Variants in RELCH observed in about 807,000 individuals in gnomAD.
RELCH encodes RAB11-binding protein RELCH.
A neutral mutation model predicts 150.3 loss-of-function variants in RELCH; 41 were observed. The observed-to-expected ratio is 0.27, with a 90% CI of 0.21 to 0.35. RELCH has a LOEUF of 0.35. Ranked by LOEUF, RELCH falls within the 10% of genes least tolerant of loss-of-function variation. The probability of loss-of-function intolerance (pLI) is 1.00; values close to 1 mark genes in which losing one functional copy is unlikely to be tolerated. For missense variants in RELCH, 1,092 were observed against 1,467.8 expected (o/e 0.74, Z 4.18); for synonymous variants, 478 against 531.8 (o/e 0.90, Z 1.39).
At chr18:62,244,918 T>A in intron 11 of RELCH, 42 bp downstream of exon 11, 1 of 1,295,472 alleles carries the variant, frequency 7.7e-7, no homozygotes, top group South Asian at 1.2e-5. Context: ...ACAATGTGAC[T>A]TACTGATTTT....
intron 1 of RELCH, among the ~76,000 whole-genome samples, chr18:62,189,394 T>C (rs2038452177): frequency 6.6e-6 from 1 of 152,026 alleles, no homozygotes; most frequent in African/African-American, 2.4e-5. Flanking sequence ...GCTTAGGTAG[T>C]TGCTTGGTTT....
chr18:62,251,291 G>A (rs547583641), intron 11 of RELCH, among the ~76,000 whole-genome samples: 1 of 152,198 alleles, frequency 6.6e-6, no homozygotes, highest in African/African-American at 2.4e-5. Context: ...CTGGAGAAGG[G>A]ATTTAGCTGG....
At chr18:62,289,672 A>G (rs1166308330) in intron 26 of RELCH, among the ~76,000 whole-genome samples, 1 of 152,226 alleles carries the variant, frequency 6.6e-6, no homozygotes, top group Non-Finnish European at 1.5e-5. Context: ...GATCTCCCTT[A>G]ATAAACTAAG....
intron 11 of RELCH, 21 bp from the exon 12 acceptor site, chr18:62,252,643 G>GT (rs768031080): frequency 2.5e-6 from 4 of 1,605,192 alleles, no homozygotes; most frequent in African/African-American, 1.3e-5. Context: ...AATACAAGCC[G>GT]TTTTTTATAT....
Position 62,187,947 on chromosome 18 carries a change from G to T in RELCH, c.442G>T (p.Gly148Trp). 1.9e-6 allele frequency: 3 copies of T among 1,598,424 alleles called. No individual in the cohort carries two copies. The highest frequency in any genetic ancestry group is 2.6e-6 in the Non-Finnish European group (3 of 1,173,586). The change falls in exon 1 of 29, where the codon GGG becomes TGG. Residue 148 changes from glycine (G) to tryptophan (W), a missense_variant. Physicochemically the swap from Gly to Trp is radical, Grantham distance 184. Transcript: ENST00000644646. ...ERQSGTPPGM[G>W]APGVPGAAGV... ...GCAAAGTGGAACCCCGCCGGGGATGGGGGCGCCAGGGGTCCCTGGAGCAGC... is the reference window on the plus strand; with the variant it reads ...GCAAAGTGGAACCCCGCCGGGGATGTGGGCGCCAGGGGTCCCTGGAGCAGC...
intron 18 of RELCH, among the ~76,000 whole-genome samples, chr18:62,265,568 A>G (rs1379598111): frequency 1.3e-5 from 2 of 152,072 alleles, no homozygotes; most frequent in Non-Finnish European, 2.9e-5. Context: ...TAAGCATTTT[A>G]ATTATTAAAT....
Position 62,221,048 on chromosome 18 carries a change from G to C in RELCH, c.628G>C (p.Glu210Gln). The change falls in exon 3 of 29, where the codon GAA (glutamate) becomes CAA (glutamine). Residue 210 changes from glutamate (E) to glutamine (Q), a missense_variant. By Grantham distance (29) the Glu-to-Gln change is conservative. Around this residue, in one of 4 missense-constraint regions of RELCH, gnomAD observed 190 missense variants for 276.2 expected, o/e 0.69. Transcript: ENST00000644646. ...TDEKVAVLEF[E>Q]LRKAKETIQA... is the part of the protein sequence containing the mutation. The stretch of plus-strand genomic sequence containing the variant: ...AAATCCCTGTCCAGTCCTGGAGTTT[G>C]AACTACGGAAAGCCAAGGAGACCAT... 1 of 1,612,922 alleles carries C rather than the reference G, an allele frequency of 6.2e-7. No homozygotes were observed. Among genetic ancestry groups the C allele is most frequent in the South Asian group, 1.1e-5 (1 of 91,022 alleles).
chr18:62,220,246 A>G (rs2040764859), intron 2 of RELCH, among the ~76,000 whole-genome samples: 1 of 152,022 alleles, frequency 6.6e-6, no homozygotes, highest in Non-Finnish European at 1.5e-5. Flanking sequence ...TCCTTAGAAA[A>G]CTATACTTTT....
chr18:62,236,146 A>G (rs1431383364), intron 10 of RELCH, among the ~76,000 whole-genome samples: 1 of 151,966 alleles, frequency 6.6e-6, no homozygotes, highest in Admixed American at 6.6e-5. Context: ...TAGTTTGCTA[A>G]ATATTCTTAT....
Position 62,268,826 on chromosome 18 carries a change from T to G in RELCH, c.2681-43T>G, listed in dbSNP as rs763140957. On this transcript the variant is annotated intron_variant, in intron 19 of 28. Transcript: ENST00000644646. The stretch of plus-strand genomic sequence containing the variant: ...GCATTATGATTTTTTTCTTTACACT[T>G]AAAATATACTTATGTTTTTTTAAAT... 4 of 1,062,036 alleles carry G rather than the reference T, an allele frequency of 3.8e-6. No homozygotes were observed. The African/African-American group carries it at 6.6e-5, about 18-fold the overall frequency. 65.8% of individuals were successfully genotyped at this position (1,062,036 alleles called of 1,614,324 possible).
chr18:62,260,739 T>TA (rs919137922), intron 15 of RELCH, among the ~76,000 whole-genome samples: 1 of 151,782 alleles, frequency 6.6e-6, no homozygotes, highest in Non-Finnish European at 1.5e-5. Flanking sequence ...ATTCAGCCAT[T>TA]AAAAAAAGAA....
At position 62,187,578 on chromosome 18, in the gene RELCH, G is replaced by A. The variant is rs751585155; in HGVS notation, c.73G>A (p.Asp25Asn). 8.5e-6 allele frequency: 13 copies of A among 1,527,126 alleles called. No homozygotes were observed. The highest frequency in any genetic ancestry group is 1.1e-5 in the Non-Finnish European group (12 of 1,138,044). 94.6% of individuals were successfully genotyped at this position (1,527,126 alleles called of 1,614,324 possible). ...VNPFLSDSDE[D>N]DDEVAATEER... ...TCCATTTCTCAGTGATTCGGATGAG[G>A]ACGATGACGAGGTAGCTGCAACAGA... The change falls in exon 1 of 29, where the codon GAC becomes AAC. Residue 25 changes from aspartate to asparagine, a missense_variant. Coordinates refer to ENST00000644646, the MANE Select transcript of RELCH (RefSeq NM_001346231.2).
chr18:62,246,708 G>A (rs967367980), intron 11 of RELCH: 5 of 152,158 alleles, frequency 3.3e-5, no homozygotes, highest in African/African-American at 4.8e-5. Flanking sequence ...CACTAAGTCA[G>A]ACAGCCATTA....
intron 2 of RELCH, among the ~76,000 whole-genome samples, chr18:62,217,218 T>C (rs538184396): frequency 6.6e-6 from 1 of 152,102 alleles, no homozygotes; most frequent in South Asian, 2.1e-4. Context: ...AGAATGTTCA[T>C]TTCATAGGGA....
intron 2 of RELCH, among the ~76,000 whole-genome samples, chr18:62,214,604 G>A (rs1393432061): frequency 1.3e-5 from 2 of 152,012 alleles, no homozygotes; most frequent in African/African-American, 2.4e-5. Context: ...TTTCTGCCTG[G>A]GCCCCCAGGC....
At chr18:62,220,858 T>C in intron 2 of RELCH, 179 bp from the exon 3 acceptor site, 1 of 622,974 alleles carries the variant, frequency 1.6e-6, no homozygotes, top group Non-Finnish European at 2.9e-6. Flanking sequence ...CATTCACCAG[T>C]TTGCTTGCAA....
intron 1 of RELCH, among the ~76,000 whole-genome samples, chr18:62,190,436 G>T (rs1412693575): frequency 2.6e-5 from 4 of 152,070 alleles, no homozygotes; most frequent in Non-Finnish European, 5.9e-5. Flanking sequence ...AATTAGCTAG[G>T]CGTGGTGGTG....
intron 1 of RELCH, among the ~76,000 whole-genome samples, chr18:62,208,203 G>A (rs909389336): frequency 1.3e-5 from 2 of 151,848 alleles, no homozygotes; most frequent in Non-Finnish European, 2.9e-5. Context: ...TTTGGAGAAC[G>A]CTTTGTCCAT....
intron 2 of RELCH, among the ~76,000 whole-genome samples, chr18:62,212,705 A>G (rs1340430003): frequency 1.3e-5 from 2 of 152,182 alleles, no homozygotes; most frequent in African/African-American, 4.8e-5. Flanking sequence ...GAAATTATGT[A>G]AGACTTAGTA....
Sources: allele counts gnomAD v4.1 joint callset (sites outside exome capture counted in the v4.1 genomes callset), GRCh38; gene constraint gnomAD v4.1.1; regional missense constraint gnomAD v4.1.1; transcripts MANE v1.5; gene names NCBI Gene and HGNC (gene_info 2026-07-23, HGNC 2026-07-21).